ORC3: variants seen among roughly 807,000 people sequenced by gnomAD.
ORC3 encodes homolog of latheo, Drosophila.
In ORC3, 78 loss-of-function variants were observed where a neutral mutation model predicts 100.7. That is an observed-to-expected ratio of 0.77 (90% CI 0.65 to 0.94). The LOEUF (loss-of-function observed/expected upper bound fraction) is 0.94. ORC3 is among the 40% of genes least tolerant of loss of function. The pLI, the probability that ORC3 is intolerant of heterozygous loss-of-function variation, is 0.00. For missense variants in ORC3, 789 were observed against 823.9 expected, an observed-to-expected ratio of 0.96 and a Z score of 0.52; for synonymous variants, 295 against 289.3, an observed-to-expected ratio of 1.02 and a Z score of -0.20.
At chr6:87,615,490 T>C (rs1345500052) in intron 8 of ORC3, among the ~76,000 whole-genome samples, 1 of 152,214 alleles carries the variant, frequency 6.6e-6, no homozygotes, top group Non-Finnish European at 1.5e-5. Context: ...ATAAAGGTGA[T>C]TTATAGACAC....
At chr6:87,603,081 G>A (rs112688280) in intron 3 of ORC3, among the ~76,000 whole-genome samples, 5,479 of 149,430 alleles carry the variant, frequency 0.037, 340 homozygotes, top group African/African-American at 0.13. Flanking sequence ...CCAGACTCAA[G>A]TGACCCTCTC....
the ORC3 span, among the ~76,000 whole-genome samples, chr6:87,672,514 T>C: frequency 6.6e-6 from 1 of 152,142 alleles, no homozygotes; most frequent in Non-Finnish European, 1.5e-5. Flanking sequence ...TGAGTAGACA[T>C]AGACTATTCG....
Position 87,659,058 on chromosome 6 carries a change from A to ATT in ORC3, c.1691+1062_1691+1063dup, listed in dbSNP as rs71021316. 7.3e-3 allele frequency among the ~76,000 whole-genome samples: 676 copies of ATT among 93,106 alleles called. 1 individual carries two copies. The highest frequency in any genetic ancestry group is 8.6e-3 in the Non-Finnish European group (435 of 50,758). 61.1% of individuals were successfully genotyped at this position (93,106 alleles called of 152,430 possible). On this transcript the variant is annotated intron_variant, in intron 16 of 19. Transcript: ENST00000392844. ...GAACCTGTTATCATTGTTTATTGTA[A>ATT]TTTTTTTTTTTTTTTTTTTTTTTGA... is the stretch of plus-strand genomic sequence containing the variant.
chr6:87,605,842 A>G (rs1778293537), intron 4 of ORC3, 75 bp from the exon 5 acceptor site: 1 of 771,168 alleles, frequency 1.3e-6, no homozygotes, highest in East Asian at 2.6e-5. Flanking sequence ...TGTTTGCTTG[A>G]TATGTTAAAT....
At chr6:87,624,245 A>T (rs1779732223) in intron 11 of ORC3, among the ~76,000 whole-genome samples, 1 of 152,240 alleles carries the variant, frequency 6.6e-6, no homozygotes, top group African/African-American at 2.4e-5. Flanking sequence ...GCATTTTGGG[A>T]ATCTGAGGTG....
chr6:87,676,793 T>C, the ORC3 span, among the ~76,000 whole-genome samples: 13,513 of 128,680 alleles, frequency 0.11, 657 homozygotes, highest in African/African-American at 0.15. Flanking sequence ...AAAAAAACAA[T>C]TGGCCGGGCA....
intron 14 of ORC3, among the ~76,000 whole-genome samples, 186 bp from the exon 15 acceptor site, chr6:87,656,720 A>G (rs1453231097): frequency 1.3e-5 from 2 of 152,328 alleles, no homozygotes; most frequent in African/African-American, 2.4e-5. Context: ...ACATCACTAC[A>G]GCACAAGTTA....
chr6:87,661,941 T>C (rs1044948752), intron 16 of ORC3, among the ~76,000 whole-genome samples: 10 of 152,196 alleles, frequency 6.6e-5, no homozygotes, highest in Admixed American at 2.0e-4. Flanking sequence ...GCAAAGCAAA[T>C]TTTTAATGCC....
intron 19 of ORC3, 29 bp from the exon 20 acceptor site, chr6:87,666,989 C>A: frequency 7.3e-7 from 1 of 1,377,854 alleles, no homozygotes; most frequent in Non-Finnish European, 1.0e-6. Context: ...AAATACAGCA[C>A]GGCCAGTTTC....
At chr6:87,590,274 G>T in intron 1 of ORC3, 82 bp downstream of exon 1, 2 of 1,427,680 alleles carry the variant, frequency 1.4e-6, no homozygotes, top group Non-Finnish European at 2.0e-6. Context: ...GGTTACGTAG[G>T]CATCCCTTCC....
At chr6:87,624,926 T>C (rs1779788148) in intron 11 of ORC3, among the ~76,000 whole-genome samples, 1 of 152,198 alleles carries the variant, frequency 6.6e-6, no homozygotes. Flanking sequence ...CTCCCACTTG[T>C]GAGTGAGAAC....
downstream of ORC3, among the ~76,000 whole-genome samples, chr6:87,669,171 AACAAAAGCTAGATG>A (rs1770779912): frequency 6.6e-6 from 1 of 152,130 alleles, no homozygotes; most frequent in African/African-American, 2.4e-5. Flanking sequence ...AACAAAACAA[AACAAAAGCTAGATG>A]AAATATATCT....
intron 7 of ORC3, among the ~76,000 whole-genome samples, chr6:87,611,350 C>T (rs1255482336): frequency 6.6e-6 from 1 of 152,044 alleles, no homozygotes; most frequent in African/African-American, 2.4e-5. Flanking sequence ...AAAATAGTGA[C>T]AGAAAAGCTG....
chr6:87,643,520 CAAATTGGCTCGAAAACT>C (rs1394524063), intron 13 of ORC3, among the ~76,000 whole-genome samples: 1 of 152,078 alleles, frequency 6.6e-6, no homozygotes, highest in Non-Finnish European at 1.5e-5. Context: ...CAGTTGATCT[CAAATTGGCTCGAAAACT>C]GGACTGCGGT....
chr6:87,641,502 C>T (rs1768251606), intron 13 of ORC3, among the ~76,000 whole-genome samples: 1 of 152,140 alleles, frequency 6.6e-6, no homozygotes, highest in Non-Finnish European at 1.5e-5. Flanking sequence ...ATACCCTCCT[C>T]CCCCATCCTG....
At chr6:87,673,548 A>AG in the ORC3 span, among the ~76,000 whole-genome samples, 11 of 152,136 alleles carry the variant, frequency 7.2e-5, no homozygotes, top group Non-Finnish European at 2.9e-5. Context: ...GACCATTAAA[A>AG]GGGGGTAGAA....
Position 87,609,104 on chromosome 6 carries a change from C to G in ORC3, c.588C>G (p.Asp196Glu). 1 of 1,600,374 alleles carries G rather than the reference C, an allele frequency of 6.2e-7. No homozygotes were observed. Among genetic ancestry groups the G allele is most frequent in the Non-Finnish European group, 8.5e-7 (1 of 1,176,534 alleles). The part of the protein sequence containing the change: ...SWYMTVTQKT[D>E]PKMLSKKRTT... The stretch of plus-strand genomic sequence containing the variant: ...CTGCAATGGCTTAAAAGAAGACGGA[C>G]CCAAAAATGCTAAGCAAAAAAAGGA... The change falls in exon 7 of 20, where the codon GAC (aspartate) becomes GAG (glutamate). Residue 196 changes from aspartate (D) to glutamate (E), a missense_variant. Physicochemically the swap from Asp to Glu is conservative, Grantham distance 45. Coordinates refer to ENST00000392844, the MANE Select transcript of ORC3 (RefSeq NM_012381.4).
intron 7 of ORC3, among the ~76,000 whole-genome samples, chr6:87,610,863 C>A (rs1368541316): frequency 6.7e-6 from 1 of 149,644 alleles, no homozygotes; most frequent in African/African-American, 2.5e-5. Context: ...TACTAATATA[C>A]TTTAAATTTC....
intron 11 of ORC3, among the ~76,000 whole-genome samples, chr6:87,623,214 C>G (rs1230269388): frequency 1.3e-5 from 2 of 152,170 alleles, no homozygotes; most frequent in Non-Finnish European, 2.9e-5. Flanking sequence ...TTCAGAATGG[C>G]TTTTATTAAA....
Sources: allele counts gnomAD v4.1 joint callset (sites outside exome capture counted in the v4.1 genomes callset), GRCh38; gene constraint gnomAD v4.1.1; transcripts MANE v1.5; gene names NCBI Gene and HGNC (gene_info 2026-07-23, HGNC 2026-07-21).